PTH1R: variants seen among roughly 807,000 people sequenced by gnomAD.
The protein encoded by PTH1R is parathyroid hormone/parathyroid hormone-related peptide receptor.
Under a neutral mutation model 70.7 loss-of-function variants are expected in PTH1R, and 32 were observed. The ratio of observed to expected loss-of-function variants is 0.45; its 90% CI spans 0.34 to 0.61. PTH1R has a LOEUF of 0.61. Ranked by LOEUF, PTH1R falls within the 20% of genes least tolerant of loss-of-function variation. PTH1R has a pLI of 0.01. For missense variants in PTH1R, 626 were observed against 792.5 expected (o/e 0.79, Z 2.52); for synonymous variants, 329 against 324.8 (o/e 1.01, Z -0.14).
In PTH1R at chr3:46,898,058, T is replaced by G; in HGVS notation, c.425-16T>G. On this transcript the variant is annotated splice_polypyrimidine_tract_variant and intron_variant, in intron 6 of 15. Transcript: ENST00000449590. ...CGAGACCTCCCTGCCGGCCCTGACC[T>G]CCCATGGACCTGCAGGCCATGCCTA... 1 of 1,613,900 alleles carries G rather than the reference T, an allele frequency of 6.2e-7. No individual in the cohort carries two copies. The highest frequency in any genetic ancestry group is 8.5e-7 in the Non-Finnish European group (1 of 1,179,816).
rs749111054 is a variant in PTH1R at position 46,903,301 on chromosome 3, G to A, written c.1427G>A (p.Arg476His). 1.1e-5 allele frequency: 18 copies of A among 1,613,196 alleles called. No homozygotes were observed. The highest frequency in any genetic ancestry group is 4.0e-5 in the African/African-American group (3 of 74,922). Residue 476 changes from arginine to histidine, a missense_variant, in exon 16 of 16, where the codon CGC becomes CAC. Transcript: ENST00000449590. This position sits in a 1 kb window ranked among gnomAD's most constrained non-coding sequence, Gnocchi z 4.4. ...GCTGAGATCAAGAAATCTTGGAGCC[G>A]CTGGACACTGGCACTGGACTTCAAG... ...VQAEIKKSWSRWTLALDFKRK... is the reference protein window; with the variant it reads ...VQAEIKKSWSHWTLALDFKRK...
At chr3:46,897,823 G>A in intron 5 of PTH1R, 32 bp from the exon 6 acceptor site, 1 of 1,586,966 alleles carries the variant, frequency 6.3e-7, no homozygotes. Context: ...CTCTCCCTTG[G>A]TATCCCCTAC....
chr3:46,889,428 A>G (rs573704652), intron 3 of PTH1R, among the ~76,000 whole-genome samples: 1 of 152,212 alleles, frequency 6.6e-6, no homozygotes, highest in South Asian at 2.1e-4. Flanking sequence ...GTGCCAGGGT[A>G]CCCGTGTGGC....
chr3:46,879,802 G>T lies in PTH1R; in HGVS notation c.-105-1260G>T, dbSNP rs1168162640. On this transcript the variant is annotated intron_variant, in intron 1 of 15. Coordinates refer to ENST00000449590, the MANE Select transcript of PTH1R (RefSeq NM_000316.3). The surrounding 1 kb of genome is among the most constrained non-coding windows in gnomAD (Gnocchi z 4.7). Reference sequence around the variant, plus strand: ...CACGCTTGTAATCTCAACACTTTGGGAGGCCGAGACAGGATCACTTGAGGC... The same window carrying T: ...CACGCTTGTAATCTCAACACTTTGGTAGGCCGAGACAGGATCACTTGAGGC... 2.0e-5 allele frequency among the ~76,000 whole-genome samples: 3 copies of T among 152,080 alleles called. No homozygotes were observed. The highest frequency in any genetic ancestry group is 4.4e-5 in the Non-Finnish European group (3 of 68,018).
chr3:46,878,439 A>G (rs2030363212), intron 1 of PTH1R, among the ~76,000 whole-genome samples: 1 of 152,192 alleles, frequency 6.6e-6, no homozygotes, highest in African/African-American at 2.4e-5. Flanking sequence ...TCAGACTGGG[A>G]TAAGAACTCA....
At position 46,901,481 on chromosome 3, in the gene PTH1R, G is replaced by A. The variant is rs1306100848; in HGVS notation, c.1116+1G>A. 1 of 1,566,392 alleles carries A rather than the reference G, an allele frequency of 6.4e-7. No homozygotes were observed. Among genetic ancestry groups the A allele is most frequent in the Non-Finnish European group, 8.7e-7 (1 of 1,154,822 alleles). ...GGTGCCCATCCTGGCCTCCATTGTG[G>A]TGAGCAGGGGTGGGCTGCTGGCCAC... On this transcript the variant is annotated splice_donor_variant, in intron 12 of 15. Coordinates refer to ENST00000449590, the MANE Select transcript of PTH1R (RefSeq NM_000316.3). LOFTEE classifies it high-confidence loss of function. This position sits in a 1 kb window ranked among gnomAD's most constrained non-coding sequence, Gnocchi z 7.3.
chr3:46,883,384 C>A lies in PTH1R; in HGVS notation c.-48-128C>A. On this transcript the variant is annotated intron_variant, in intron 2 of 15. Transcript: ENST00000449590. The surrounding 1 kb of genome is among the most constrained non-coding windows in gnomAD (Gnocchi z 6.4). ...CTGCTCGCTCGCTCGCTCGCTCGCT[C>A]GCCCTCAGCGCATGGGCCCCGCGCC... 1 of 278,170 alleles carries A rather than the reference C, an allele frequency of 3.6e-6. No individual in the cohort carries two copies. Among genetic ancestry groups the A allele is most frequent in the Non-Finnish European group, 6.5e-6 (1 of 153,006 alleles). The allele number at this position is 278,170 out of a possible 1,614,324, so 17.2% of individuals were successfully genotyped here. A position where few individuals can be genotyped will look rare whatever the true frequency, so the allele number is the denominator to read the frequency against.
At chr3:46,895,566 T>C in intron 4 of PTH1R, 169 bp from the exon 5 acceptor site, 2 of 420,810 alleles carry the variant, frequency 4.8e-6, no homozygotes, top group Non-Finnish European at 6.4e-6. Flanking sequence ...CTTTACACTT[T>C]GTTAAACACC....
At position 46,882,762 on chromosome 3, in the gene PTH1R, G is replaced by A. The variant is rs2030695308; in HGVS notation, c.-48-750G>A. Among the ~76,000 whole-genome samples, 1 of 152,156 alleles carries A rather than the reference G, an allele frequency of 6.6e-6. No homozygotes were observed. The highest frequency in any genetic ancestry group is 1.5e-5 in the Non-Finnish European group (1 of 67,996). ...CGGGGGAGCTAGAGACGGACTGACA[G>A]ACAGGCAGACCGACAGAGCGTCGGG... On this transcript the variant is annotated intron_variant, in intron 2 of 15. Transcript: ENST00000449590. The surrounding 1 kb of genome is among the most constrained non-coding windows in gnomAD (Gnocchi z 4.3).
At position 46,902,505 on chromosome 3, in the gene PTH1R, C is replaced by T. The variant is rs780172012; in HGVS notation, c.1212-21C>T. Reference sequence around the variant, plus strand: ...GAAGGGGAAGTGGCTTGGCCCTGACCTACCTGCCCCGCTGGCCCAGGAAGC... The same window carrying T: ...GAAGGGGAAGTGGCTTGGCCCTGACTTACCTGCCCCGCTGGCCCAGGAAGC... On this transcript the variant is annotated intron_variant, in intron 13 of 15. Transcript: ENST00000449590. This position sits in a 1 kb window ranked among gnomAD's most constrained non-coding sequence, Gnocchi z 5.4. 1 of 1,608,110 alleles carries T rather than the reference C, an allele frequency of 6.2e-7. No homozygotes were observed. Among genetic ancestry groups the T allele is most frequent in the East Asian group, 2.2e-5 (1 of 44,658 alleles).
chr3:46,898,487 G>A lies in PTH1R; in HGVS notation c.638+15G>A. 1.2e-6 allele frequency: 2 copies of A among 1,613,186 alleles called. No individual in the cohort carries two copies. The highest frequency in any genetic ancestry group is 2.2e-5 in the East Asian group (1 of 44,854). On this transcript the variant is annotated intron_variant, in intron 8 of 15. Transcript: ENST00000449590. ...GCCTACTTTAGGTGGGCGGGGCGGG[G>A]CGAGAGGCGGCGGGACATGGTGGAG...
intron 3 of PTH1R, among the ~76,000 whole-genome samples, chr3:46,887,710 T>C (rs1286181972): frequency 6.6e-6 from 1 of 152,248 alleles, no homozygotes; most frequent in Non-Finnish European, 1.5e-5. Flanking sequence ...TAGATAGGGC[T>C]CTGCCACATA....
At chr3:46,886,599 C>T (rs547800746) in intron 3 of PTH1R, among the ~76,000 whole-genome samples, 65 of 152,222 alleles carry the variant, frequency 4.3e-4, no homozygotes, top group African/African-American at 1.5e-3. Context: ...CCTCGTGATC[C>T]GCCCGCCTCG....
chr3:46,899,494 G>A (rs1276133682), intron 10 of PTH1R, 38 bp downstream of exon 10: 2 of 1,593,612 alleles, frequency 1.3e-6, no homozygotes, highest in Admixed American at 1.7e-5. Context: ...GCCGGCAGGG[G>A]TGGGACCGTG....
chr3:46,895,847 A>C lies in PTH1R; in HGVS notation c.291A>C (p.Ala97=). 1 of 1,613,566 alleles carries C rather than the reference A, an allele frequency of 6.2e-7. No homozygotes were observed. Among genetic ancestry groups the C allele is most frequent in the East Asian group, 2.2e-5 (1 of 44,880 alleles). Reference sequence around the variant, plus strand: ...CTGAGTCTGAGGAGGACAAGGAGGCACCCACTGGCAGCAGGTACCGAGGTA... The same window carrying C: ...CTGAGTCTGAGGAGGACAAGGAGGCCCCCACTGGCAGCAGGTACCGAGGTA... The part of the protein sequence containing the change: ...LYPESEEDKE[A]PTGSRYRGRP... Residue 97 remains alanine, a synonymous_variant, in exon 5 of 16, where the codon GCA becomes GCC. Transcript: ENST00000449590.
rs966725190 is a variant in PTH1R at position 46,893,447 on chromosome 3, C to G, written c.76-460C>G. 2.0e-5 allele frequency among the ~76,000 whole-genome samples: 3 copies of G among 152,122 alleles called. No individual in the cohort carries two copies. The highest frequency in any genetic ancestry group is 2.4e-5 in the African/African-American group (1 of 41,418). On this transcript the variant is annotated intron_variant, in intron 3 of 15. Transcript: ENST00000449590. The surrounding 1 kb of genome is among the most constrained non-coding windows in gnomAD (Gnocchi z 5.2). ...GGAAACTGGTGACTCCCAAGACCCC[C>G]CAGGGTGCCAGGACTTGAAGGACTC...
chr3:46,886,974 T>G (rs2031076635), intron 3 of PTH1R, among the ~76,000 whole-genome samples: 1 of 152,136 alleles, frequency 6.6e-6, no homozygotes. Context: ...CCGAGTGCAG[T>G]GGCTCACACC....
intron 3 of PTH1R, among the ~76,000 whole-genome samples, chr3:46,886,398 C>G (rs2031023315): frequency 6.6e-6 from 1 of 152,132 alleles, no homozygotes; most frequent in Non-Finnish European, 1.5e-5. Flanking sequence ...CACTCTGTCG[C>G]CCAGGCTGGA....
intron 8 of PTH1R, 66 bp downstream of exon 8, chr3:46,898,538 C>T (rs2031904036): frequency 1.3e-6 from 2 of 1,598,366 alleles, no homozygotes; most frequent in Admixed American, 1.7e-5. Context: ...AGGTCTGATG[C>T]GACCCCCTCC....
Sources: allele counts gnomAD v4.1 joint callset (sites outside exome capture counted in the v4.1 genomes callset), GRCh38; gene constraint gnomAD v4.1.1; non-coding constraint Gnocchi (gnomAD v3.1); transcripts MANE v1.5; gene names NCBI Gene and HGNC (gene_info 2026-07-23, HGNC 2026-07-21).